UTRN: variants seen among roughly 807,000 people sequenced by gnomAD.
UTRN encodes dystrophin-related protein 1.
Under a neutral mutation model 463.9 loss-of-function variants are expected in UTRN, and 283 were observed. That is an observed-to-expected ratio of 0.61 (90% CI 0.55 to 0.67). The LOEUF is 0.67. Among genes scored for constraint, UTRN ranks in the 30% least tolerant of loss-of-function variants. The probability of loss-of-function intolerance (pLI) is 0.00; values close to 1 mark genes in which losing one functional copy is unlikely to be tolerated. For synonymous variants in UTRN, 1,442 were observed against 1,431.5 expected, an observed-to-expected ratio of 1.01 and a Z score of -0.17; for missense variants, 3,922 against 4,084.3, an observed-to-expected ratio of 0.96 and a Z score of 1.08.
chr6:144,507,927 C>T (rs1356309404), intron 34 of UTRN, among the ~76,000 whole-genome samples: 1 of 152,196 alleles, frequency 6.6e-6, no homozygotes, highest in African/African-American at 2.4e-5. Flanking sequence ...AAGCCCCTTG[C>T]TGGGGCTGCC....
intron 2 of UTRN, among the ~76,000 whole-genome samples, chr6:144,319,522 C>A (rs542768069): frequency 2.0e-4 from 31 of 152,318 alleles, no homozygotes; most frequent in Non-Finnish European, 3.5e-4. Context: ...ATCTTATATA[C>A]CATAAGATTT....
At chr6:144,596,878 C>T (rs565708728) in intron 51 of UTRN, among the ~76,000 whole-genome samples, 1 of 152,264 alleles carries the variant, frequency 6.6e-6, no homozygotes, top group Admixed American at 6.5e-5. Context: ...CATAAAAGAA[C>T]TTGAAATGCT....
At chr6:144,732,900 A>T (rs1194900419) in intron 54 of UTRN, among the ~76,000 whole-genome samples, 1 of 152,082 alleles carries the variant, frequency 6.6e-6, no homozygotes, top group African/African-American at 2.4e-5. Context: ...ATGGAATCTC[A>T]TTGTGTTGCC....
rs1286678428 is a variant in UTRN at position 144,744,318 on chromosome 6, ATATGTG to A, written c.7940-3926_7940-3921del. 3.1e-3 allele frequency among the ~76,000 whole-genome samples: 415 copies of A among 135,588 alleles called. 10 individuals carry two copies. The highest frequency in any genetic ancestry group is 0.01 in the African/African-American group (354 of 34,082). 89.0% of individuals were successfully genotyped at this position (135,588 alleles called of 152,430 possible). On this transcript the variant is annotated intron_variant, in intron 54 of 74. Coordinates refer to ENST00000367545, the MANE Select transcript of UTRN (RefSeq NM_007124.3). ...AAATGGTGTATACATATATATATAT[ATATGTG>A]TGTGTGTGTGTGTGTGTGTGTGTGT...
At chr6:144,495,856 A>G (rs1425406064) in intron 33 of UTRN, among the ~76,000 whole-genome samples, 1 of 152,212 alleles carries the variant, frequency 6.6e-6, no homozygotes, top group Non-Finnish European at 1.5e-5. Flanking sequence ...TTCTGTTTTT[A>G]GTCCTAATGT....
In UTRN at chr6:144,493,321, T is replaced by C; in HGVS notation, c.4458T>C (p.Ser1486=). ...TAAAGAAACTGTATAAAACTTTGAG[T>C]GAAGTCAAACTTGAAGTGGAAACTG... ...DKCMKLYKTL[S]EVKLEVETVI... The change falls in exon 33 of 75, where the codon AGT becomes AGC. Residue 1486 remains serine (S), a synonymous_variant. Coordinates refer to ENST00000367545, the MANE Select transcript of UTRN (RefSeq NM_007124.3). 1.2e-6 allele frequency: 2 copies of C among 1,614,096 alleles called. No homozygotes were observed. The highest frequency in any genetic ancestry group is 1.7e-6 in the Non-Finnish European group (2 of 1,179,982).
At chr6:144,841,375 G>A (rs1781562444) in intron 73 of UTRN, among the ~76,000 whole-genome samples, 1 of 152,124 alleles carries the variant, frequency 6.6e-6, no homozygotes, top group African/African-American at 2.4e-5. Context: ...AACAATTTAA[G>A]TCATCATAGA....
At chr6:144,695,251 G>A (rs1254865219) in intron 52 of UTRN, among the ~76,000 whole-genome samples, 4 of 152,042 alleles carry the variant, frequency 2.6e-5, no homozygotes, top group African/African-American at 4.8e-5. Flanking sequence ...TGACCATGGT[G>A]TGGCCATTGG....
At chr6:144,782,722 A>G (rs1362306282) in intron 61 of UTRN, among the ~76,000 whole-genome samples, 2 of 152,110 alleles carry the variant, frequency 1.3e-5, no homozygotes, top group Non-Finnish European at 2.9e-5. Context: ...CACTGTTCAT[A>G]AAGCACACTC....
In UTRN at chr6:144,461,326, C is replaced by T. The variant is rs114800897; in HGVS notation, c.2837C>T (p.Ala946Val). 3.3e-4 allele frequency: 512 copies of T among 1,564,260 alleles called. 2 individuals are homozygous for T. The African/African-American group carries it at 6.5e-3, about 20-fold the overall frequency. Residue 946 changes from alanine to valine, a missense_variant, in exon 22 of 75, where the codon GCC becomes GTC. Ala to Val is a moderately conservative substitution (Grantham distance 64, BLOSUM62 0). Coordinates refer to ENST00000367545, the MANE Select transcript of UTRN (RefSeq NM_007124.3). ...AATGATCTTGCCAAGGTGGAGAAGG[C>T]CCTGCAAGAAAAAAAGGTAACATAT... ...VLNDLAKVEK[A>V]LQEKKTLDEI... is the part of the protein sequence containing the mutation.
At chr6:144,489,056 A>AT (rs369494532) in intron 30 of UTRN, among the ~76,000 whole-genome samples, 3 of 133,024 alleles carry the variant, frequency 2.3e-5, no homozygotes, top group African/African-American at 6.3e-5. Flanking sequence ...ATTTTATTTT[A>AT]TTTATTTATT....
Position 144,538,590 on chromosome 6 carries a change from A to G in UTRN, c.6370-704A>G, listed in dbSNP as rs536463726. 5.3e-5 allele frequency among the ~76,000 whole-genome samples: 8 copies of G among 152,070 alleles called. No homozygotes were observed. In the South Asian group the frequency reaches 1.7e-3, roughly 32 times the overall value. ...GAGGCTGAAGCAGGAGAATGGCATG[A>G]ACCCAGGAGGCAGAGGTTGCAGTGA... On this transcript the variant is annotated intron_variant, in intron 44 of 74. Coordinates refer to ENST00000367545, the MANE Select transcript of UTRN (RefSeq NM_007124.3).
chr6:144,327,113 G>T (rs529875765), intron 2 of UTRN, among the ~76,000 whole-genome samples: 1 of 152,290 alleles, frequency 6.6e-6, no homozygotes, highest in East Asian at 1.9e-4. Flanking sequence ...TGTGACGCCT[G>T]TGGATGAAAG....
chr6:144,711,763 T>C (rs1279389959), intron 53 of UTRN, among the ~76,000 whole-genome samples: 1 of 152,232 alleles, frequency 6.6e-6, no homozygotes, highest in Non-Finnish European at 1.5e-5. Context: ...GTATAATTTC[T>C]TGTTTGTGTG....
rs149519182 is a variant in UTRN, at chr6:144,836,010, TTC to T, written c.9824+76_9824+77del. On this transcript the variant is annotated intron_variant, in intron 70 of 74. Transcript: ENST00000367545. ...TGAATTTCACTGTAGCCCCCATTTA[TTC>T]TCTTTTTCAAGACTATTGTCTAAGA... 0.012 allele frequency: 18,893 copies of T among 1,560,644 alleles called. 829 individuals are homozygous for T. In the African/African-American group the frequency reaches 0.14, roughly 12 times the overall value.
chr6:144,675,533 T>A (rs915407666), intron 51 of UTRN, among the ~76,000 whole-genome samples: 1 of 152,198 alleles, frequency 6.6e-6, no homozygotes, highest in African/African-American at 2.4e-5. Context: ...TCTCCTTCTT[T>A]GGAGCAGGGT....
chr6:144,287,274 C>G (rs769392339), intron 1 of UTRN, among the ~76,000 whole-genome samples: 1 of 152,212 alleles, frequency 6.6e-6, no homozygotes, highest in Non-Finnish European at 1.5e-5. Context: ...TGAGACAACT[C>G]TTTAACTCTC....
At chr6:144,629,068 A>G (rs947892410) in intron 51 of UTRN, among the ~76,000 whole-genome samples, 7 of 152,208 alleles carry the variant, frequency 4.6e-5, no homozygotes, top group Admixed American at 1.3e-4. Context: ...TATTCTGAGC[A>G]TGGCCAATAG....
At chr6:144,427,130 C>G (rs1268755847) in intron 7 of UTRN, among the ~76,000 whole-genome samples, 1 of 152,116 alleles carries the variant, frequency 6.6e-6, no homozygotes, top group Non-Finnish European at 1.5e-5. Context: ...TGCTCCATTA[C>G]ACAGGAAAAT....
Sources: gnomAD v4.1 joint callset for allele counts (sites outside exome capture counted in the v4.1 genomes callset) on GRCh38, gnomAD v4.1.1 for gene constraint, MANE v1.5 for transcripts, NCBI Gene and HGNC (gene_info 2026-07-23, HGNC 2026-07-21) for gene names.